Variants in HHIPL1 observed in about 807,000 individuals in gnomAD.
HHIPL1 encodes HHIP-like protein 1.
In HHIPL1, 43 loss-of-function variants were observed where a neutral mutation model predicts 61.8. That is an observed-to-expected ratio of 0.70 (90% CI 0.55 to 0.90). HHIPL1 has a LOEUF of 0.90. HHIPL1 is among the 40% of genes least tolerant of loss of function. The probability of loss-of-function intolerance (pLI) is 0.00; values close to 1 mark genes in which losing one functional copy is unlikely to be tolerated. For missense variants in HHIPL1, 1,056 were observed against 1,157.7 expected (o/e 0.91, Z 1.28); for synonymous variants, 482 against 515.8 (o/e 0.93, Z 0.89).
the HHIPL1 span, among the ~76,000 whole-genome samples, chr14:99,621,936 C>T: frequency 6.6e-6 from 1 of 151,936 alleles, no homozygotes; most frequent in Non-Finnish European, 1.5e-5. Flanking sequence ...AGGATAGTCT[C>T]GATCTCCTGA....
In HHIPL1 at chr14:99,659,735, C is replaced by A. The variant is rs1167342460; in HGVS notation, c.1354C>A (p.Leu452Met). Residue 452 changes from leucine to methionine, a missense_variant, in exon 4 of 9, where the codon CTG (leucine) becomes ATG (methionine). By Grantham distance (15) the Leu-to-Met change is conservative. Transcript: ENST00000330710. ...REGFECYDRS[L>M]CANTSLNDLL... Reference sequence around the variant, plus strand: ...AGGGTTCGAGTGCTACGACCGCAGCCTGTGCGCCAACACCTCTCTCAGTGA... The same window carrying A: ...AGGGTTCGAGTGCTACGACCGCAGCATGTGCGCCAACACCTCTCTCAGTGA... 1 of 1,447,998 alleles carries A rather than the reference C, an allele frequency of 6.9e-7. No homozygotes were observed. The allele number at this position is 1,447,998 out of a possible 1,614,324, so 89.7% of individuals were successfully genotyped here.
chr14:99,648,191 G>C (rs1356166858), intron 1 of HHIPL1, among the ~76,000 whole-genome samples: 1 of 152,162 alleles, frequency 6.6e-6, no homozygotes, highest in Non-Finnish European at 1.5e-5. Context: ...AATTCCTCAA[G>C]GAGTGTAGGA....
In HHIPL1 at chr14:99,652,348, G is replaced by A. The variant is rs751557728; in HGVS notation, c.380G>A (p.Arg127His). ...DMWHKCRGLF[R>H]HLSTDQELWA... ...TGGCATAAGTGCCGGGGGCTGTTCC[G>A]TCACCTGTCAACTGACCAGGAGCTC... The change falls in exon 2 of 9, where the codon CGT becomes CAT. Residue 127 changes from arginine (R) to histidine (H), a missense_variant. Coordinates refer to ENST00000330710, the MANE Select transcript of HHIPL1 (RefSeq NM_001127258.3). The A allele has an allele frequency of 2.1e-5, 34 of 1,614,024 alleles. No individual in the cohort carries two copies. The highest frequency in any genetic ancestry group is 8.8e-5 in the South Asian group (8 of 91,092).
At chr14:99,624,051 C>T in the HHIPL1 span, among the ~76,000 whole-genome samples, 1 of 152,212 alleles carries the variant, frequency 6.6e-6, no homozygotes, top group African/African-American at 2.4e-5. Flanking sequence ...CCTTTGAGCC[C>T]ACAAGGCAGC....
chr14:99,622,502 C>T, the HHIPL1 span, among the ~76,000 whole-genome samples: 6 of 152,316 alleles, frequency 3.9e-5, no homozygotes, highest in African/African-American at 1.4e-4. Context: ...TCTCTGGCAC[C>T]GACGCCCTGT....
intron 1 of HHIPL1, among the ~76,000 whole-genome samples, chr14:99,647,186 G>GA (rs1448624537): frequency 6.6e-6 from 1 of 152,200 alleles, no homozygotes; most frequent in Non-Finnish European, 1.5e-5. Flanking sequence ...AGGATGAGGA[G>GA]GGGGCCCTGG....
chr14:99,660,145 GCACGCCAGCCC>G lies in HHIPL1; in HGVS notation c.1376-134_1376-124del. On this transcript the variant is annotated intron_variant, in intron 4 of 8. Coordinates refer to ENST00000330710, the MANE Select transcript of HHIPL1 (RefSeq NM_001127258.3). The surrounding 1 kb of genome is among the most constrained non-coding windows in gnomAD (Gnocchi z 4.9). Reference sequence around the variant, plus strand: ...TTCCACCACGCCAGCCCTGCTGTGGGCACGCCAGCCCTGCTGTGGGCACGCCCCTCCCTCCG... The same window carrying G: ...TTCCACCACGCCAGCCCTGCTGTGGGTGCTGTGGGCACGCCCCTCCCTCCG... 9 of 725,474 alleles carry G rather than the reference GCACGCCAGCCC, an allele frequency of 1.2e-5. No individual in the cohort carries two copies. The highest frequency in any genetic ancestry group is 5.0e-5 in the South Asian group (2 of 39,844). 44.9% of individuals were successfully genotyped at this position (725,474 alleles called of 1,614,324 possible).
At position 99,652,497 on chromosome 14, in the gene HHIPL1, G is replaced by C. The variant is rs375351857; in HGVS notation, c.529G>C (p.Asp177His). ...LNSNLGHVVA[D>H]AKGCLQLCLE... ...CTCAAACCTGGGCCACGTGGTAGCC[G>C]ATGCCAAGGGCTGCCTGCAGCTGTG... Residue 177 changes from aspartate (D) to histidine (H), a missense_variant, in exon 2 of 9, where the codon GAT (aspartate) becomes CAT (histidine). By Grantham distance (81) the Asp-to-His change is moderately conservative. Transcript: ENST00000330710. 1 of 1,613,706 alleles carries C rather than the reference G, an allele frequency of 6.2e-7. No homozygotes were observed. The highest frequency in any genetic ancestry group is 8.5e-7 in the Non-Finnish European group (1 of 1,180,054).
Position 99,645,286 on chromosome 14 carries a change from A to G in HHIPL1, c.79A>G (p.Arg27Gly). Residue 27 changes from arginine to glycine, a missense_variant, in exon 1 of 9, where the codon AGG (arginine) becomes GGG (glycine). By Grantham distance (125) the Arg-to-Gly change is moderately radical. Transcript: ENST00000330710. ...CGCGCATCCGCAGTGCCTGGACTTCAGGCCGCCCTTCCGGCCGACGCAGCC... is the reference window on the plus strand; with the variant it reads ...CGCGCATCCGCAGTGCCTGGACTTCGGGCCGCCCTTCCGGCCGACGCAGCC... ...AAAHPQCLDF[R>G]PPFRPTQPLR... 1.4e-6 allele frequency: 2 copies of G among 1,447,374 alleles called. No individual in the cohort carries two copies. The highest frequency in any genetic ancestry group is 9.1e-7 in the Non-Finnish European group (1 of 1,104,456). 89.7% of individuals were successfully genotyped at this position (1,447,374 alleles called of 1,614,324 possible). A position where few individuals can be genotyped will look rare whatever the true frequency, so the allele number is the denominator to read the frequency against.
chr14:99,673,334 G>A (rs1288629070), intron 8 of HHIPL1, among the ~76,000 whole-genome samples: 1 of 151,544 alleles, frequency 6.6e-6, no homozygotes, highest in Non-Finnish European at 1.5e-5. Context: ...TGGCACTTTT[G>A]TTAGTTACTG....
intron 3 of HHIPL1, 94 bp downstream of exon 3, chr14:99,657,237 A>T: frequency 7.1e-7 from 1 of 1,406,726 alleles, no homozygotes; most frequent in Admixed American, 2.0e-5. Context: ...TCGGCCAGGC[A>T]TTGTAGGGCA....
chr14:99,616,924 G>A, the HHIPL1 span, among the ~76,000 whole-genome samples: 815 of 152,160 alleles, frequency 5.4e-3, 7 homozygotes, highest in African/African-American at 0.019. Context: ...AGAATATAAC[G>A]ACTGTGCACC....
intron 4 of HHIPL1, 37 bp downstream of exon 4, chr14:99,659,793 C>G (rs1282222105): frequency 3.0e-6 from 4 of 1,316,000 alleles, no homozygotes; most frequent in Admixed American, 8.1e-5. Context: ...GGCCCCGAAT[C>G]CGCCCCCACC....
At chr14:99,639,977 T>G in the HHIPL1 span, among the ~76,000 whole-genome samples, 4 of 152,342 alleles carry the variant, frequency 2.6e-5, no homozygotes, top group Admixed American at 2.0e-4. Context: ...TATGTTTTAA[T>G]TCACTCTGAC....
At chr14:99,674,413 C>T (rs1290327012) in intron 8 of HHIPL1, among the ~76,000 whole-genome samples, 1 of 152,078 alleles carries the variant, frequency 6.6e-6, no homozygotes, top group Non-Finnish European at 1.5e-5. Context: ...CGACTGCACC[C>T]AGGCTCTGTG....
At chr14:99,629,379 TC>T in the HHIPL1 span, among the ~76,000 whole-genome samples, 1 of 152,246 alleles carries the variant, frequency 6.6e-6, no homozygotes, top group Non-Finnish European at 1.5e-5. Context: ...GCATGGGCTC[TC>T]TCTGGAAGAT....
chr14:99,654,889 T>C (rs756698492), intron 2 of HHIPL1, among the ~76,000 whole-genome samples: 1 of 152,172 alleles, frequency 6.6e-6, no homozygotes, highest in Non-Finnish European at 1.5e-5. Flanking sequence ...TGGATGTGTC[T>C]TCAGTGGTGA....
At chr14:99,639,328 C>A in the HHIPL1 span, among the ~76,000 whole-genome samples, 3 of 152,162 alleles carry the variant, frequency 2.0e-5, no homozygotes, top group African/African-American at 7.2e-5. Flanking sequence ...TATAGTTGGG[C>A]CTTGGTTGTT....
At chr14:99,637,071 A>G in the HHIPL1 span, among the ~76,000 whole-genome samples, 29 of 113,874 alleles carry the variant, frequency 2.5e-4, 1 homozygote, top group East Asian at 5.8e-3. Context: ...AAAAAGAAAG[A>G]AAGAGAGAGA....
Sources: allele counts gnomAD v4.1 joint callset (sites outside exome capture counted in the v4.1 genomes callset), GRCh38; gene constraint gnomAD v4.1.1; non-coding constraint Gnocchi (gnomAD v3.1); transcripts MANE v1.5; gene names NCBI Gene and HGNC (gene_info 2026-07-23, HGNC 2026-07-21).